BMP6: variants seen among roughly 807,000 people sequenced by gnomAD.
The protein encoded by BMP6 is bone morphogenetic protein 6.
A neutral mutation model predicts 54.1 loss-of-function variants in BMP6; 17 were observed. That is an observed-to-expected ratio of 0.31 (90% confidence interval 0.22 to 0.47). BMP6 has a LOEUF of 0.47. BMP6 is among the 20% of genes least tolerant of loss of function. BMP6 has a pLI of 1.00. For missense variants in BMP6, 720 were observed against 690.4 expected (o/e 1.04, Z -0.48); for synonymous variants, 328 against 291.2 (o/e 1.13, Z -1.28).
chr6:7,833,944 A>G (rs960855116), intron 1 of BMP6, among the ~76,000 whole-genome samples: 1 of 152,352 alleles, frequency 6.6e-6, no homozygotes, highest in East Asian at 1.9e-4. Flanking sequence ...TGCCTAAAGT[A>G]TGAGTGTCAC....
intron 1 of BMP6, among the ~76,000 whole-genome samples, chr6:7,823,589 A>G (rs1029551265): frequency 1.3e-5 from 2 of 152,252 alleles, no homozygotes; most frequent in African/African-American, 4.8e-5. Context: ...AAGATGGAAT[A>G]TGACCAGACA....
At chr6:7,875,018 C>T (rs115008129) in intron 4 of BMP6, among the ~76,000 whole-genome samples, 5 of 152,208 alleles carry the variant, frequency 3.3e-5, no homozygotes, top group Non-Finnish European at 5.9e-5. Flanking sequence ...TGTCTGCAAG[C>T]TGGAGAACCA....
intron 1 of BMP6, among the ~76,000 whole-genome samples, chr6:7,782,285 C>T (rs1285129126): frequency 6.6e-6 from 1 of 152,070 alleles, no homozygotes; most frequent in Non-Finnish European, 1.5e-5. Flanking sequence ...GTAACTGGGG[C>T]ATGCTCGTGT....
chr6:7,847,879 C>T (rs1263734467), intron 2 of BMP6, among the ~76,000 whole-genome samples: 2 of 152,162 alleles, frequency 1.3e-5, no homozygotes, highest in African/African-American at 4.8e-5. Flanking sequence ...TTAGTAAGAA[C>T]AAGCAAACAC....
At position 7,861,592 on chromosome 6, in the gene BMP6, A is replaced by G. The variant is rs756266440; in HGVS notation, c.999A>G (p.Thr333=). 34 of 1,614,124 alleles carry G rather than the reference A, an allele frequency of 2.1e-5. No individual in the cohort carries two copies. The South Asian group carries it at 3.2e-4, about 15-fold the overall frequency. The change falls in exon 3 of 7, where the codon ACA becomes ACG. Residue 333 remains threonine, a synonymous_variant. Transcript: ENST00000283147. ...TGGGGCTTCAGCTGAGCGTGGTGAC[A>G]AGGGATGGTAAGTTATTATCCGCAA... ...HNMGLQLSVV[T]RDGVHVHPRA... is the part of the protein sequence containing the mutation.
intron 1 of BMP6, among the ~76,000 whole-genome samples, chr6:7,807,280 TTTTG>T (rs564775189): frequency 3.3e-5 from 5 of 151,612 alleles, no homozygotes; most frequent in Non-Finnish European, 5.9e-5. Flanking sequence ...CCTCGTTGTT[TTTTG>T]TTTGTTTGTT....
At chr6:7,869,142 T>C (rs1177656632) in intron 4 of BMP6, among the ~76,000 whole-genome samples, 1 of 152,192 alleles carries the variant, frequency 6.6e-6, no homozygotes, top group Non-Finnish European at 1.5e-5. Flanking sequence ...AGCTGCGTGG[T>C]GGCCCTCCAG....
At chr6:7,841,050 C>A (rs945128019) in intron 1 of BMP6, among the ~76,000 whole-genome samples, 1 of 152,220 alleles carries the variant, frequency 6.6e-6, no homozygotes, top group Non-Finnish European at 1.5e-5. Flanking sequence ...CAATGATTAT[C>A]ACAGCTAACA....
chr6:7,746,303 G>C (rs1757346144), intron 1 of BMP6, among the ~76,000 whole-genome samples: 1 of 152,130 alleles, frequency 6.6e-6, no homozygotes, highest in Non-Finnish European at 1.5e-5. Flanking sequence ...TTATTTTGTA[G>C]GCAATGAGGA....
chr6:7,862,227 A>T, intron 3 of BMP6, 74 bp from the exon 4 acceptor site: 1 of 1,504,358 alleles, frequency 6.6e-7, no homozygotes, highest in South Asian at 1.1e-5. Context: ...ACTAGGAAGT[A>T]TCCCTTAACT....
In BMP6 at chr6:7,880,359, T is replaced by TGG. The variant is rs202189273; in HGVS notation, c.*19_*20dup. On this transcript the variant is annotated 3_prime_UTR_variant, in exon 7 of 7. Coordinates refer to ENST00000283147, the MANE Select transcript of BMP6 (RefSeq NM_001718.6). ...ATGCCACTAACTCGAAACCAGATGC[T>TGG]GGGGACACACATTCTGCCTTGGATT... 6.2e-7 allele frequency: 1 copy of TGG among 1,613,812 alleles called. No individual in the cohort carries two copies. The highest frequency in any genetic ancestry group is 8.5e-7 in the Non-Finnish European group (1 of 1,179,716).
rs554643234 is a variant in BMP6, at chr6:7,861,378, G to A, written c.858-73G>A. The A allele has an allele frequency of 2.3e-5, 36 of 1,562,144 alleles. 1 individual carries two copies. The highest frequency in any genetic ancestry group is 2.1e-4 in the Middle Eastern group (1 of 4,672). On this transcript the variant is annotated intron_variant, in intron 2 of 6. Coordinates refer to ENST00000283147, the MANE Select transcript of BMP6 (RefSeq NM_001718.6). Reference sequence around the variant, plus strand: ...TGACTCGGGCATGTTTTATCCTGACGCTGAGACAGGAAAGAGTGGGAAGGA... The same window carrying A: ...TGACTCGGGCATGTTTTATCCTGACACTGAGACAGGAAAGAGTGGGAAGGA...
chr6:7,848,027 A>T (rs1759091388), intron 2 of BMP6, among the ~76,000 whole-genome samples: 1 of 152,168 alleles, frequency 6.6e-6, no homozygotes, highest in South Asian at 2.1e-4. Flanking sequence ...TTACATTGGC[A>T]AGGGAAATCT....
intron 4 of BMP6, among the ~76,000 whole-genome samples, chr6:7,872,627 G>C (rs1215270887): frequency 6.6e-6 from 1 of 152,154 alleles, no homozygotes; most frequent in Admixed American, 6.5e-5. Flanking sequence ...TCAACAGCAG[G>C]TTCACAGAAA....
chr6:7,757,309 C>A lies in BMP6; in HGVS notation c.664+29690C>A, dbSNP rs184001266. On this transcript the variant is annotated intron_variant, in intron 1 of 6. Coordinates refer to ENST00000283147, the MANE Select transcript of BMP6 (RefSeq NM_001718.6). ...CAAGGTGTCAGCAGGCAGTGCTCCC[C>A]CTGAAGACTCTAGGAAGGATTTTGT... Among the ~76,000 whole-genome samples the A allele has an allele frequency of 2.8e-3, 419 of 152,278 alleles. 1 individual carries two copies. Among genetic ancestry groups the A allele is most frequent in the Non-Finnish European group, 4.7e-3 (322 of 68,030 alleles).
At chr6:7,828,727 G>T (rs1758741522) in intron 1 of BMP6, among the ~76,000 whole-genome samples, 1 of 152,256 alleles carries the variant, frequency 6.6e-6, no homozygotes, top group South Asian at 2.1e-4. Flanking sequence ...CCCTTGTGGG[G>T]CATACATTGG....
intron 1 of BMP6, among the ~76,000 whole-genome samples, chr6:7,803,275 C>T (rs1029092485): frequency 6.6e-6 from 1 of 152,000 alleles, no homozygotes; most frequent in African/African-American, 2.4e-5. Flanking sequence ...AGGGAGGTGA[C>T]GGCCAGATCA....
At chr6:7,781,349 GTC>G (rs1461844701) in intron 1 of BMP6, among the ~76,000 whole-genome samples, 1 of 151,848 alleles carries the variant, frequency 6.6e-6, no homozygotes, top group African/African-American at 2.4e-5. Flanking sequence ...CCATGCCACT[GTC>G]TCTGTCAGCT....
intron 1 of BMP6, among the ~76,000 whole-genome samples, chr6:7,779,618 G>A (rs771091864): frequency 2.0e-5 from 3 of 152,180 alleles, no homozygotes; most frequent in Non-Finnish European, 4.4e-5. Context: ...GGGATTACAG[G>A]CGTGAGCCAC....
Sources: allele counts gnomAD v4.1 joint callset (sites outside exome capture counted in the v4.1 genomes callset), GRCh38; gene constraint gnomAD v4.1.1; transcripts MANE v1.5; gene names NCBI Gene and HGNC (gene_info 2026-07-23, HGNC 2026-07-21).